Variants in PTPRD observed in about 807,000 individuals in gnomAD.
PTPRD encodes the protein protein tyrosine phosphatase receptor type D.
PTPRD carries 34 observed loss-of-function variants against 214.5 expected under a neutral mutation model. That is an observed-to-expected ratio of 0.16 (90% CI 0.12 to 0.21). The LOEUF is 0.21. PTPRD is among the 10% of genes least tolerant of loss of function. PTPRD has a pLI of 1.00. For missense variants in PTPRD, 2,545 were observed against 2,398.7 expected, an observed-to-expected ratio of 1.06 and a Z score of -1.27; for synonymous variants, 1,128 against 845.7, an observed-to-expected ratio of 1.33 and a Z score of -5.79.
intron 4 of PTPRD, among the ~76,000 whole-genome samples, chr9:9,951,029 G>C (rs2093406680): frequency 6.6e-6 from 1 of 152,126 alleles, no homozygotes; most frequent in South Asian, 2.1e-4. Flanking sequence ...TTCTATTTCT[G>C]GTAGTAGCTG....
At chr9:9,990,437 G>C (rs1008765512) in intron 4 of PTPRD, among the ~76,000 whole-genome samples, 3 of 152,176 alleles carry the variant, frequency 2.0e-5, no homozygotes, top group African/African-American at 7.2e-5. Context: ...AGTCAGTGAG[G>C]GGGCTTGGCG....
chr9:10,084,761 G>C (rs2098302472), intron 3 of PTPRD, among the ~76,000 whole-genome samples: 1 of 151,928 alleles, frequency 6.6e-6, no homozygotes, highest in African/African-American at 2.4e-5. Flanking sequence ...AGTCATGGTT[G>C]TGTTTACATC....
At chr9:9,187,977 T>C (rs1483348628) in intron 9 of PTPRD, among the ~76,000 whole-genome samples, 1 of 151,984 alleles carries the variant, frequency 6.6e-6, no homozygotes, top group Non-Finnish European at 1.5e-5. Context: ...TAATGAATCA[T>C]ACAAAATAAA....
chr9:9,192,263 G>A (rs2099935707), intron 9 of PTPRD, among the ~76,000 whole-genome samples: 1 of 151,966 alleles, frequency 6.6e-6, no homozygotes, highest in African/African-American at 2.4e-5. Flanking sequence ...AAAGTGTTGG[G>A]AGAAAGCAGG....
intron 9 of PTPRD, among the ~76,000 whole-genome samples, chr9:9,249,383 G>A (rs2099974481): frequency 6.6e-6 from 1 of 151,970 alleles, no homozygotes; most frequent in Admixed American, 6.6e-5. Context: ...CCAGCCTCAG[G>A]TATTCCTTTA....
intron 6 of PTPRD, among the ~76,000 whole-genome samples, chr9:9,749,172 T>C (rs1394507716): frequency 6.6e-6 from 1 of 152,060 alleles, no homozygotes; most frequent in Non-Finnish European, 1.5e-5. Flanking sequence ...CCTGCCTCTC[T>C]CCATGCCTCT....
chr9:9,214,325 T>G (rs920033044), intron 9 of PTPRD, among the ~76,000 whole-genome samples: 1 of 152,164 alleles, frequency 6.6e-6, no homozygotes, highest in African/African-American at 2.4e-5. Flanking sequence ...TAATAGCAAA[T>G]GCAAAAACAA....
At chr9:10,319,077 T>C (rs1398567518) in intron 3 of PTPRD, among the ~76,000 whole-genome samples, 1 of 152,070 alleles carries the variant, frequency 6.6e-6, no homozygotes. Context: ...TCATTCATTA[T>C]AGAAAAATAG....
intron 3 of PTPRD, among the ~76,000 whole-genome samples, chr9:10,059,453 T>C (rs1451410699): frequency 2.0e-5 from 3 of 152,098 alleles, no homozygotes; most frequent in African/African-American, 7.2e-5. Context: ...TTTCTTACAG[T>C]AATATGCAAA....
rs28701523 is a variant in PTPRD, at chr9:10,532,672, A to C, written c.-600+79726T>G. Among the ~76,000 whole-genome samples the C allele has an allele frequency of 2.2e-4, 33 of 149,036 alleles. 1 individual carries two copies. The highest frequency in any genetic ancestry group is 1.2e-3 in the Admixed American group (18 of 14,820). On this transcript the variant is annotated intron_variant, in intron 2 of 45. Transcript: ENST00000381196. ...ATATATATTAGATATTTCTTTAAAAACATTGCACCAGGGAATCTCTCCTAA... is the reference window on the plus strand; with the variant it reads ...ATATATATTAGATATTTCTTTAAAACCATTGCACCAGGGAATCTCTCCTAA...
At chr9:9,582,852 C>A (rs1248040848) in intron 7 of PTPRD, among the ~76,000 whole-genome samples, 1 of 151,818 alleles carries the variant, frequency 6.6e-6, no homozygotes, top group African/African-American at 2.4e-5. Flanking sequence ...CTTTGTCTTC[C>A]ATTGTCTAAA....
chr9:9,349,943 G>C (rs1488494459), intron 9 of PTPRD, among the ~76,000 whole-genome samples: 1 of 152,038 alleles, frequency 6.6e-6, no homozygotes, highest in Non-Finnish European at 1.5e-5. Flanking sequence ...TCAGAGTAGA[G>C]GGGTATCCTG....
chr9:10,285,450 CAT>C (rs748817881), intron 3 of PTPRD, among the ~76,000 whole-genome samples: 17 of 151,990 alleles, frequency 1.1e-4, no homozygotes, highest in Non-Finnish European at 2.2e-4. Context: ...AATATTTTAA[CAT>C]GTGTCTAAAG....
chr9:8,370,612 G>C (rs1588899585), intron 39 of PTPRD, among the ~76,000 whole-genome samples: 1 of 152,092 alleles, frequency 6.6e-6, no homozygotes, highest in Non-Finnish European at 1.5e-5. Flanking sequence ...AATTGCCTTT[G>C]ATTTAGAAAG....
intron 9 of PTPRD, among the ~76,000 whole-genome samples, chr9:9,256,069 C>T (rs190352358): frequency 6.6e-6 from 1 of 151,972 alleles, no homozygotes; most frequent in Non-Finnish European, 1.5e-5. Context: ...TCAAACTTCA[C>T]CCACTTGCCA....
intron 25 of PTPRD, 99 bp from the exon 26 acceptor site, chr9:8,497,367 C>A (rs2097299913): frequency 2.0e-6 from 2 of 1,020,694 alleles, no homozygotes; most frequent in Non-Finnish European, 1.4e-6. Flanking sequence ...TTAAAAAAAT[C>A]AAAAAAATAA....
intron 7 of PTPRD, among the ~76,000 whole-genome samples, chr9:9,723,800 A>G (rs1341319502): frequency 6.6e-6 from 1 of 151,998 alleles, no homozygotes; most frequent in East Asian, 1.9e-4. Flanking sequence ...TCCTATTTTC[A>G]TATTTGGGCT....
intron 10 of PTPRD, among the ~76,000 whole-genome samples, chr9:9,103,358 A>C (rs2099793940): frequency 6.6e-6 from 1 of 152,134 alleles, no homozygotes. Flanking sequence ...TAAATGTCTC[A>C]AGCCAAATGT....
chr9:9,846,927 G>C (rs2059640623), intron 5 of PTPRD, among the ~76,000 whole-genome samples: 1 of 152,090 alleles, frequency 6.6e-6, no homozygotes, highest in African/African-American at 2.4e-5. Context: ...CAGAACTGGA[G>C]TGACTGTACT....
Sources: allele counts gnomAD v4.1 joint callset (sites outside exome capture counted in the v4.1 genomes callset), GRCh38; gene constraint gnomAD v4.1.1; transcripts MANE v1.5; gene names NCBI Gene and HGNC (gene_info 2026-07-23, HGNC 2026-07-21).